The following RSRC1 variants were observed in gnomAD, a reference collection of about 807,000 sequenced individuals.
The protein encoded by RSRC1 is arginine and serine rich coiled-coil 1.
In RSRC1, 39 loss-of-function variants were observed where a neutral mutation model predicts 49.1. The ratio of observed to expected loss-of-function variants is 0.79; its 90% CI spans 0.61 to 1.04. The LOEUF is 1.04. RSRC1 is among the 50% of genes least tolerant of loss of function. The pLI is 0.00. For synonymous variants in RSRC1, 143 were observed against 130.8 expected, an observed-to-expected ratio of 1.09 and a Z score of -0.63; for missense variants, 388 against 402.4, an observed-to-expected ratio of 0.96 and a Z score of 0.31.
At chr3:158,541,954 C>T (rs962630913) in intron 8 of RSRC1, among the ~76,000 whole-genome samples, 4 of 152,108 alleles carry the variant, frequency 2.6e-5, no homozygotes, top group African/African-American at 7.2e-5. Flanking sequence ...TACAGTGTAT[C>T]GCACCTGGTG....
intron 5 of RSRC1, among the ~76,000 whole-genome samples, chr3:158,320,000 TAGG>T (rs548669513): frequency 1.1e-4 from 17 of 152,212 alleles, no homozygotes; most frequent in Non-Finnish European, 1.9e-4. Context: ...TAATCAACTA[TAGG>T]AGGAGATTTA....
chr3:158,318,603 G>A (rs1313339508), intron 5 of RSRC1, among the ~76,000 whole-genome samples: 2 of 152,086 alleles, frequency 1.3e-5, no homozygotes, highest in African/African-American at 2.4e-5. Flanking sequence ...AAAGAAAAAA[G>A]GACCACATCA....
intron 3 of RSRC1, among the ~76,000 whole-genome samples, chr3:158,140,407 T>A (rs1451078994): frequency 1.3e-5 from 2 of 152,236 alleles, no homozygotes; most frequent in Non-Finnish European, 1.5e-5. Flanking sequence ...CTGTTTCCGA[T>A]ATGCACTCTG....
intron 5 of RSRC1, among the ~76,000 whole-genome samples, chr3:158,343,803 T>C (rs889602516): frequency 1.1e-4 from 16 of 152,118 alleles, no homozygotes; most frequent in African/African-American, 3.6e-4. Context: ...TAGAAGAGCA[T>C]TTGTGAGTTG....
chr3:158,308,314 G>A (rs190204246), intron 5 of RSRC1, among the ~76,000 whole-genome samples: 2 of 152,042 alleles, frequency 1.3e-5, no homozygotes, highest in Admixed American at 6.6e-5. Flanking sequence ...GATTTCCACA[G>A]TGCCCCATTA....
intron 6 of RSRC1, among the ~76,000 whole-genome samples, chr3:158,436,076 T>G (rs1448810090): frequency 6.6e-6 from 1 of 151,900 alleles, no homozygotes; most frequent in Non-Finnish European, 1.5e-5. Context: ...CTCAGAGTCA[T>G]CATTTTGTGA....
At chr3:158,451,084 G>C (rs1030581693) in intron 6 of RSRC1, among the ~76,000 whole-genome samples, 1 of 151,692 alleles carries the variant, frequency 6.6e-6, no homozygotes, top group African/African-American at 2.4e-5. Flanking sequence ...ATTATTTACT[G>C]TGAGGTATGT....
chr3:158,257,201 TG>T (rs1311346728), intron 4 of RSRC1, among the ~76,000 whole-genome samples: 2 of 152,182 alleles, frequency 1.3e-5, no homozygotes, highest in Non-Finnish European at 2.9e-5. Flanking sequence ...CTTTCTCTTG[TG>T]GGCATTTAGT....
At chr3:158,301,614 T>A (rs1727554336) in intron 5 of RSRC1, among the ~76,000 whole-genome samples, 3 of 152,166 alleles carry the variant, frequency 2.0e-5, no homozygotes, top group Admixed American at 1.3e-4. Flanking sequence ...GTAATACACA[T>A]AAAATAGTTT....
At chr3:158,446,035 A>G (rs6801076) in intron 6 of RSRC1, among the ~76,000 whole-genome samples, 15,803 of 152,126 alleles carry the variant, frequency 0.1, 2,772 homozygotes, top group African/African-American at 0.36. Context: ...CTACCGCCCT[A>G]AAGTACCATA....
intron 4 of RSRC1, among the ~76,000 whole-genome samples, chr3:158,240,464 A>G (rs1723508139): frequency 6.6e-6 from 1 of 152,184 alleles, no homozygotes; most frequent in African/African-American, 2.4e-5. Flanking sequence ...CTGTCCTGAC[A>G]TTATTGAGAT....
At chr3:158,396,196 AG>A (rs1733600977) in intron 6 of RSRC1, among the ~76,000 whole-genome samples, 1 of 152,070 alleles carries the variant, frequency 6.6e-6, no homozygotes, top group Non-Finnish European at 1.5e-5. Flanking sequence ...CTTACGGCAG[AG>A]GTTGGGAGGA....
chr3:158,335,781 A>G (rs60531369), intron 5 of RSRC1, among the ~76,000 whole-genome samples: 11,168 of 152,288 alleles, frequency 0.073, 483 homozygotes, highest in South Asian at 0.13. Context: ...TGTAAATAAT[A>G]AATACAGCTG....
At chr3:158,405,193 T>G (rs1005104817) in intron 6 of RSRC1, among the ~76,000 whole-genome samples, 1 of 152,058 alleles carries the variant, frequency 6.6e-6, no homozygotes, top group Non-Finnish European at 1.5e-5. Context: ...GAAAGTTGCT[T>G]GTTTGTTGGG....
rs559256546 is a variant in RSRC1, at chr3:158,450,826, T to C, written c.584-10109T>C. ...TGCTTTTTTAACATTATATATTTTA[T>C]GTTAATTATATTTTTTCTCCAAAAA... On this transcript the variant is annotated intron_variant, in intron 6 of 9. Transcript: ENST00000611884. Among the ~76,000 whole-genome samples, 47 of 152,058 alleles carry C rather than the reference T, an allele frequency of 3.1e-4. No homozygotes were observed. In the South Asian group the frequency reaches 4.8e-3, roughly 15 times the overall value.
chr3:158,458,665 A>G (rs1737467581), intron 6 of RSRC1, among the ~76,000 whole-genome samples: 1 of 152,164 alleles, frequency 6.6e-6, no homozygotes, highest in African/African-American at 2.4e-5. Context: ...GAAGTGCTTA[A>G]TAGTAGATCT....
intron 8 of RSRC1, 81 bp from the exon 9 acceptor site, chr3:158,543,254 G>A (rs1713138906): frequency 7.9e-7 from 1 of 1,259,164 alleles, no homozygotes; most frequent in Non-Finnish European, 1.0e-6. Flanking sequence ...TTGAACAGTT[G>A]TTATTCAAAA....
intron 6 of RSRC1, among the ~76,000 whole-genome samples, chr3:158,415,312 G>A (rs1734684740): frequency 1.3e-5 from 2 of 152,016 alleles, no homozygotes; most frequent in South Asian, 4.1e-4. Flanking sequence ...AAATGATCCA[G>A]CTTTAAAGAT....
chr3:158,543,424 A>G lies in RSRC1; in HGVS notation c.849A>G (p.Ile283Met). The change falls in exon 9 of 10, where the codon ATA becomes ATG. Residue 283 changes from isoleucine to methionine, a missense_variant. Ile to Met is a conservative substitution (Grantham distance 10). Coordinates refer to ENST00000611884, the MANE Select transcript of RSRC1 (RefSeq NM_001271838.2). ...ATCCACCCAGTACTGAAAAAGAAAT[A>G]GATCCTACCAGCATCCCTACTGCTA... ...VADPPSTEKE[I>M]DPTSIPTAIK... 1.2e-6 allele frequency: 2 copies of G among 1,612,040 alleles called. No individual in the cohort carries two copies. Among genetic ancestry groups the G allele is most frequent in the Non-Finnish European group, 1.7e-6 (2 of 1,179,050 alleles).
Sources: gnomAD v4.1 joint callset for allele counts (sites outside exome capture counted in the v4.1 genomes callset) on GRCh38, gnomAD v4.1.1 for gene constraint, MANE v1.5 for transcripts, NCBI Gene and HGNC (gene_info 2026-07-23, HGNC 2026-07-21) for gene names.